The following HIPK3 variants were observed in gnomAD, a reference collection of about 807,000 sequenced individuals.
HIPK3 encodes the protein homeodomain interacting protein kinase 3.
In HIPK3, 47 loss-of-function variants were observed where a neutral mutation model predicts 124.2. That is an observed-to-expected ratio of 0.38 (90% confidence interval 0.30 to 0.48). The LOEUF is 0.48. Ranked by LOEUF, HIPK3 falls within the 20% of genes least tolerant of loss-of-function variation. HIPK3 has a pLI of 0.98. For synonymous variants in HIPK3, 482 were observed against 515.2 expected, an observed-to-expected ratio of 0.94 and a Z score of 0.87; for missense variants, 1,286 against 1,454.3, an observed-to-expected ratio of 0.88 and a Z score of 1.88.
intron 2 of HIPK3, among the ~76,000 whole-genome samples, chr11:33,315,822 T>G (rs1031546011): frequency 6.6e-6 from 1 of 152,250 alleles, no homozygotes; most frequent in Non-Finnish European, 1.5e-5. Context: ...TCTCTTGAGT[T>G]TAAAATTTAA....
chr11:33,266,058 C>T (rs77383048), intron 1 of HIPK3, among the ~76,000 whole-genome samples: 1 of 49,636 alleles, frequency 2.0e-5, no homozygotes, highest in Non-Finnish European at 3.9e-5. Context: ...GACTCCATCT[C>T]AAAAAAAAAA....
rs1033310478 is a variant in HIPK3, at chr11:33,304,359, A to T, written c.1097+16848A>T. ...AATCACCTGAATTCGGGACTTCGAG[A>T]CCAACCTGACGAACATGGAGAAACC... On this transcript the variant is annotated intron_variant, in intron 2 of 16. Coordinates refer to ENST00000303296, the MANE Select transcript of HIPK3 (RefSeq NM_005734.5). Among the ~76,000 whole-genome samples, 6 of 152,262 alleles carry T rather than the reference A, an allele frequency of 3.9e-5. No homozygotes were observed. The South Asian group carries it at 1.2e-3, about 32-fold the overall frequency.
chr11:33,321,625 A>G (rs1355373940), intron 2 of HIPK3, among the ~76,000 whole-genome samples: 1 of 152,200 alleles, frequency 6.6e-6, no homozygotes, highest in Non-Finnish European at 1.5e-5. Context: ...TTATTTTAGT[A>G]AAGTAGAATA....
upstream of HIPK3, chr11:33,257,248 C>G: frequency 1.0e-6 from 1 of 983,742 alleles, no homozygotes; most frequent in Non-Finnish European, 1.2e-6. Context: ...AGGGGCTTCA[C>G]GGAGGCGCCG....
chr11:33,345,752 A>G (rs1853473471), intron 8 of HIPK3, among the ~76,000 whole-genome samples: 1 of 152,132 alleles, frequency 6.6e-6, no homozygotes, highest in Non-Finnish European at 1.5e-5. Flanking sequence ...TTTTTATTAA[A>G]CTTGACTCAT....
At position 33,353,827 on chromosome 11, in the gene HIPK3, G is replaced by T; in HGVS notation, c.*259G>T. On this transcript the variant is annotated 3_prime_UTR_variant, in exon 17 of 17. Coordinates refer to ENST00000303296, the MANE Select transcript of HIPK3 (RefSeq NM_005734.5). ...GGAGCAGAAGTCCAGTTTTGCTCCT[G>T]CTATTTTTTATAAATTGCCTTCTAA... 1 of 409,370 alleles carries T rather than the reference G, an allele frequency of 2.4e-6. No homozygotes were observed. Among genetic ancestry groups the T allele is most frequent in the Non-Finnish European group, 4.5e-6 (1 of 221,376 alleles). 25.4% of individuals were successfully genotyped at this position (409,370 alleles called of 1,614,324 possible). A position where few individuals can be genotyped will look rare whatever the true frequency, so the allele number is the denominator to read the frequency against.
At chr11:33,309,032 A>G (rs1017208894) in intron 2 of HIPK3, among the ~76,000 whole-genome samples, 13 of 152,230 alleles carry the variant, frequency 8.5e-5, no homozygotes, top group African/African-American at 2.9e-4. Context: ...AAAGGAATTT[A>G]GAGGAAAGAG....
Position 33,286,756 on chromosome 11 carries a change from C to G in HIPK3, c.342C>G (p.Asn114Lys), listed in dbSNP as rs1851566732. Residue 114 changes from asparagine (N) to lysine (K), a missense_variant, in exon 2 of 17, where the codon AAC becomes AAG. By Grantham distance (94) the Asn-to-Lys change is moderately conservative (BLOSUM62 0). Transcript: ENST00000303296. ...VQAPQIGAWR[N>K]RLHFLEGPQR... The stretch of plus-strand genomic sequence containing the variant: ...CACCTCAGATTGGGGCGTGGCGAAA[C>G]AGATTGCATTTCCTAGAAGGCCCCC... 1.2e-6 allele frequency: 2 copies of G among 1,613,894 alleles called. No homozygotes were observed. The highest frequency in any genetic ancestry group is 1.7e-6 in the Non-Finnish European group (2 of 1,180,018).
chr11:33,284,839 G>T (rs1242616930), intron 1 of HIPK3, among the ~76,000 whole-genome samples: 1 of 152,148 alleles, frequency 6.6e-6, no homozygotes, highest in East Asian at 1.9e-4. Context: ...GTCAAATGGT[G>T]GTTTTGACGT....
upstream of HIPK3, chr11:33,257,356 G>C (rs1850692639): frequency 2.0e-6 from 2 of 984,796 alleles, no homozygotes; most frequent in Non-Finnish European, 2.4e-6. Context: ...CGAGCGCGGA[G>C]GAGGGGCCCG....
intron 13 of HIPK3, 128 bp downstream of exon 13, chr11:33,348,946 C>G (rs1279651263): frequency 1.9e-5 from 18 of 952,546 alleles, no homozygotes; most frequent in African/African-American, 1.7e-5. Flanking sequence ...ATTAGATAAC[C>G]CAGTTCTAGA....
At position 33,342,102 on chromosome 11, in the gene HIPK3, C is replaced by CAAAA. The variant is rs58073130; in HGVS notation, c.1897+438_1897+441dup. ...TGGGCGACAGAGTGAGACTCTGTCT[C>CAAAA]AAAAAAAAAAAAAAAAAAAAAAAAA... On this transcript the variant is annotated intron_variant, in intron 8 of 16. Coordinates refer to ENST00000303296, the MANE Select transcript of HIPK3 (RefSeq NM_005734.5). Among the ~76,000 whole-genome samples, 454 of 55,454 alleles carry CAAAA rather than the reference C, an allele frequency of 8.2e-3. 12 individuals are homozygous for CAAAA. The highest frequency in any genetic ancestry group is 0.028 in the African/African-American group (372 of 13,248). The allele number at this position is 55,454 out of a possible 152,430, so 36.4% of individuals were successfully genotyped here.
chr11:33,352,067 C>A, intron 15 of HIPK3, 71 bp from the exon 16 acceptor site: 1 of 1,442,150 alleles, frequency 6.9e-7, no homozygotes, highest in Non-Finnish European at 9.6e-7. Context: ...TGTAAAATAT[C>A]TAAAGACTTT....
chr11:33,316,057 T>C (rs1366051819), intron 2 of HIPK3, among the ~76,000 whole-genome samples: 1 of 152,134 alleles, frequency 6.6e-6, no homozygotes, highest in Admixed American at 6.5e-5. Flanking sequence ...GTTGCGGTTA[T>C]AGAGTCATAA....
intron 2 of HIPK3, among the ~76,000 whole-genome samples, chr11:33,294,464 G>A (rs984297095): frequency 6.6e-6 from 1 of 151,928 alleles, no homozygotes; most frequent in Admixed American, 6.6e-5. Context: ...GGTGTGATAC[G>A]AAGTTGCTTT....
intron 2 of HIPK3, among the ~76,000 whole-genome samples, chr11:33,311,986 A>G (rs1368218221): frequency 2.7e-5 from 4 of 148,836 alleles, no homozygotes; most frequent in Non-Finnish European, 6.0e-5. Flanking sequence ...ACACACACAC[A>G]CACACACACA....
chr11:33,351,946 G>C, intron 15 of HIPK3, 103 bp downstream of exon 15: 1 of 1,087,242 alleles, frequency 9.2e-7, no homozygotes, highest in Non-Finnish European at 1.3e-6. Flanking sequence ...ATTTTGACTT[G>C]ACCCTGCCTT....
chr11:33,316,077 GCATGAAGGTC>G (rs1852492612), intron 2 of HIPK3, among the ~76,000 whole-genome samples: 2 of 152,190 alleles, frequency 1.3e-5, no homozygotes, highest in South Asian at 4.1e-4. Flanking sequence ...AAAACAATCT[GCATGAAGGTC>G]CAGTATTCTG....
intron 2 of HIPK3, among the ~76,000 whole-genome samples, chr11:33,303,934 T>C (rs1253901227): frequency 6.6e-6 from 1 of 152,026 alleles, no homozygotes; most frequent in Non-Finnish European, 1.5e-5. Flanking sequence ...ATTTGATATA[T>C]ATGTGTATAT....
Sources: gnomAD v4.1 joint callset for allele counts (sites outside exome capture counted in the v4.1 genomes callset) on GRCh38, gnomAD v4.1.1 for gene constraint, MANE v1.5 for transcripts, NCBI Gene and HGNC (gene_info 2026-07-23, HGNC 2026-07-21) for gene names.